GPC5: variants seen among roughly 807,000 people sequenced by gnomAD.
GPC5 encodes the protein glypican 5, also known as glypican-5.
Under a neutral mutation model 53.9 loss-of-function variants are expected in GPC5, and 47 were observed. The observed-to-expected ratio is 0.87, with a 90% CI of 0.69 to 1.11. The LOEUF is 1.11. Ranked by LOEUF, GPC5 falls within the 50% of genes most tolerant of loss-of-function variation. The pLI, the probability that GPC5 is intolerant of heterozygous loss-of-function variation, is 0.00. For missense variants in GPC5, 748 were observed against 713.1 expected, an observed-to-expected ratio of 1.05 and a Z score of -0.56; for synonymous variants, 286 against 263.3, an observed-to-expected ratio of 1.09 and a Z score of -0.84.
intron 5 of GPC5, among the ~76,000 whole-genome samples, chr13:91,820,436 A>T (rs910444044): frequency 6.6e-6 from 1 of 152,132 alleles, no homozygotes; most frequent in East Asian, 1.9e-4. Context: ...TTCTATTTAA[A>T]TTGATTTCCA....
At chr13:91,695,597 G>A (rs982416343) in intron 3 of GPC5, among the ~76,000 whole-genome samples, 2 of 151,926 alleles carry the variant, frequency 1.3e-5, no homozygotes, top group African/African-American at 2.4e-5. Context: ...GGATGGTCTC[G>A]TTCTCCTGAC....
rs891297459 is a variant in GPC5, at chr13:91,563,060, G to A, written c.325+114138G>A. ...ATTATGCTTAGGTTTATTACTATTG[G>A]CACAAAACAATAATAGCTAACAATA... is the stretch of plus-strand genomic sequence containing the variant. On this transcript the variant is annotated intron_variant, in intron 2 of 7. Coordinates refer to ENST00000377067, the MANE Select transcript of GPC5 (RefSeq NM_004466.6). Among the ~76,000 whole-genome samples, 7 of 151,680 alleles carry A rather than the reference G, an allele frequency of 4.6e-5. No homozygotes were observed. The South Asian group carries it at 6.2e-4, about 14-fold the overall frequency.
intron 6 of GPC5, among the ~76,000 whole-genome samples, chr13:91,916,989 C>T (rs2039666028): frequency 6.6e-6 from 1 of 152,156 alleles, no homozygotes; most frequent in Admixed American, 6.5e-5. Context: ...AATCTCAAGT[C>T]CTCACATTTC....
At chr13:91,882,865 G>T (rs954795217) in intron 5 of GPC5, among the ~76,000 whole-genome samples, 9 of 151,878 alleles carry the variant, frequency 5.9e-5, no homozygotes, top group Admixed American at 5.9e-4. Context: ...TTTTTTAAAA[G>T]GTGGTACATA....
intron 6 of GPC5, among the ~76,000 whole-genome samples, chr13:91,960,344 A>C (rs1348345775): frequency 6.6e-6 from 1 of 151,988 alleles, no homozygotes; most frequent in East Asian, 1.9e-4. Flanking sequence ...CAAAAAAATA[A>C]AATACTTAGT....
At chr13:92,298,755 TAGTC>T in intron 7 of GPC5, among the ~76,000 whole-genome samples, 1 of 152,236 alleles carries the variant, frequency 6.6e-6, no homozygotes, top group South Asian at 2.1e-4. Flanking sequence ...TTTATTCCTG[TAGTC>T]ATTCTGGAGC....
intron 2 of GPC5, among the ~76,000 whole-genome samples, chr13:91,493,267 A>G (rs1884039841): frequency 6.6e-6 from 1 of 152,226 alleles, no homozygotes; most frequent in South Asian, 2.1e-4. Flanking sequence ...ATATTTTGAT[A>G]CAGGCATGTA....
chr13:92,004,202 T>C (rs2040582478), intron 6 of GPC5, among the ~76,000 whole-genome samples: 1 of 151,914 alleles, frequency 6.6e-6, no homozygotes, highest in African/African-American at 2.4e-5. Context: ...ATCCTAGCAC[T>C]TTGGGAGGCT....
At chr13:91,993,359 T>A (rs1021365284) in intron 6 of GPC5, among the ~76,000 whole-genome samples, 1 of 147,624 alleles carries the variant, frequency 6.8e-6, no homozygotes, top group African/African-American at 2.6e-5. Context: ...TGCGTATACC[T>A]TTTTTTTTTC....
Position 91,858,186 on chromosome 13 carries a change from T to A in GPC5, c.1281-49751T>A, listed in dbSNP as rs543933439. 3.4e-4 allele frequency among the ~76,000 whole-genome samples: 51 copies of A among 151,874 alleles called. No homozygotes were observed. The South Asian group carries it at 8.9e-3, about 27-fold the overall frequency. ...CTGATTGCTCCAACTAGGATTTGCT[T>A]AGGACTTCTAGTACTATGTTGAATA... On this transcript the variant is annotated intron_variant, in intron 5 of 7. Transcript: ENST00000377067.
At chr13:91,826,536 A>G (rs906769901) in intron 5 of GPC5, among the ~76,000 whole-genome samples, 1 of 152,080 alleles carries the variant, frequency 6.6e-6, no homozygotes, top group African/African-American at 2.4e-5. Context: ...ATTAAATTAC[A>G]AAATATTTAA....
intron 5 of GPC5, among the ~76,000 whole-genome samples, chr13:91,760,888 A>T (rs2037396539): frequency 6.6e-6 from 1 of 152,192 alleles, no homozygotes; most frequent in Non-Finnish European, 1.5e-5. Flanking sequence ...ATGATTTCGA[A>T]GACTGTATTC....
chr13:92,235,805 C>A (rs1379093314), intron 7 of GPC5, among the ~76,000 whole-genome samples: 3 of 151,882 alleles, frequency 2.0e-5, no homozygotes, highest in Admixed American at 6.6e-5. Context: ...ATACTTTTTC[C>A]CTTGTAGTTA....
At chr13:91,812,429 T>C (rs1425240905) in intron 5 of GPC5, among the ~76,000 whole-genome samples, 1 of 152,200 alleles carries the variant, frequency 6.6e-6, no homozygotes, top group Non-Finnish European at 1.5e-5. Flanking sequence ...TGAAGTACTT[T>C]AGCACACTAG....
At chr13:92,285,487 A>G (rs1446092270) in intron 7 of GPC5, among the ~76,000 whole-genome samples, 1 of 152,172 alleles carries the variant, frequency 6.6e-6, no homozygotes. Flanking sequence ...CTGACTTCAA[A>G]CTATACTACA....
At chr13:92,721,585 T>A (rs1465147736) in intron 7 of GPC5, 1 of 152,038 alleles carries the variant, frequency 6.6e-6, no homozygotes, top group Non-Finnish European at 1.5e-5. Context: ...TTTGTTGAAG[T>A]GCTCAGAAAA....
chr13:92,461,194 CA>C (rs1878465015), intron 7 of GPC5, among the ~76,000 whole-genome samples: 1 of 151,818 alleles, frequency 6.6e-6, no homozygotes, highest in African/African-American at 2.4e-5. Context: ...GCAAAAAGTA[CA>C]AAAAGGAAAA....
intron 7 of GPC5, among the ~76,000 whole-genome samples, chr13:92,168,438 A>G (rs1321128936): frequency 1.3e-5 from 2 of 152,204 alleles, no homozygotes; most frequent in Non-Finnish European, 2.9e-5. Context: ...CCATCTATCT[A>G]TCTGACAAAG....
At chr13:91,618,999 T>A (rs2033778605) in intron 2 of GPC5, among the ~76,000 whole-genome samples, 1 of 152,066 alleles carries the variant, frequency 6.6e-6, no homozygotes, top group African/African-American at 2.4e-5. Flanking sequence ...TTATTATAAT[T>A]GTAGAAAATA....
Sources: gnomAD v4.1 joint callset for allele counts (sites outside exome capture counted in the v4.1 genomes callset) on GRCh38, gnomAD v4.1.1 for gene constraint, MANE v1.5 for transcripts, NCBI Gene and HGNC (gene_info 2026-07-23, HGNC 2026-07-21) for gene names.